ITSN2: variants seen among roughly 807,000 people sequenced by gnomAD.
The protein encoded by ITSN2 is intersectin-2.
In ITSN2, 156 loss-of-function variants were observed where a neutral mutation model predicts 243.7. The observed-to-expected ratio is 0.64, with a 90% CI of 0.56 to 0.73. ITSN2 has a LOEUF of 0.73. Ranked by LOEUF, ITSN2 falls within the 30% of genes least tolerant of loss-of-function variation. The probability of loss-of-function intolerance (pLI) is 0.00; values close to 1 mark genes in which losing one functional copy is unlikely to be tolerated. For missense variants in ITSN2, 1,801 were observed against 1,996.1 expected, an observed-to-expected ratio of 0.90 and a Z score of 1.86; for synonymous variants, 703 against 699.9, an observed-to-expected ratio of 1.00 and a Z score of -0.07.
chr2:24,346,030 G>A (rs1046590887), intron 1 of ITSN2, among the ~76,000 whole-genome samples: 5 of 152,082 alleles, frequency 3.3e-5, no homozygotes, highest in East Asian at 1.9e-4. Context: ...AATTGTTTGC[G>A]CTACCCTTCT....
chr2:24,216,227 A>G lies in ITSN2; in HGVS notation c.3812T>C (p.Leu1271Ser). ...IMSNTKLLKA[L>S]RVRKKTGGEK... ...GCCCCCGGTCTTCTTCCGCACCCGC[A>G]AAGCCCTGCCAAGAACACACTCTCA... is the stretch of plus-strand genomic sequence containing the variant. Residue 1271 changes from leucine to serine, a missense_variant, in exon 32 of 40, where the codon TTG (leucine) becomes TCG (serine). Coordinates refer to ENST00000355123, the MANE Select transcript of ITSN2 (RefSeq NM_006277.3). 1.3e-6 allele frequency: 2 copies of G among 1,598,022 alleles called. No homozygotes were observed. The highest frequency in any genetic ancestry group is 1.7e-6 in the Non-Finnish European group (2 of 1,172,362).
intron 17 of ITSN2, among the ~76,000 whole-genome samples, chr2:24,277,807 C>G (rs1201455937): frequency 6.6e-6 from 1 of 152,110 alleles, no homozygotes. Flanking sequence ...GTAAAATACA[C>G]TAACAATAGC....
intron 9 of ITSN2, among the ~76,000 whole-genome samples, chr2:24,302,801 T>C (rs577620596): frequency 5.3e-5 from 8 of 152,188 alleles, no homozygotes; most frequent in East Asian, 1.9e-4. Flanking sequence ...TGATTCTCCA[T>C]AGAAGGGATT....
intron 1 of ITSN2, among the ~76,000 whole-genome samples, chr2:24,354,510 G>A (rs1225461362): frequency 6.6e-6 from 1 of 152,128 alleles, no homozygotes; most frequent in African/African-American, 2.4e-5. Context: ...GTAACATTAG[G>A]CACTTACACT....
Position 24,204,047 on chromosome 2 carries a change from C to CAAAG in ITSN2, c.4936+194_4936+197dup. ...GTCGTGTGTGTAGGGAGTGATGGGT[C>CAAAG]AAAGACCTGAAACACATCTCAGGCC... On this transcript the variant is annotated intron_variant, in intron 39 of 39. Coordinates refer to ENST00000355123, the MANE Select transcript of ITSN2 (RefSeq NM_006277.3). The surrounding 1 kb of genome is among the most constrained non-coding windows in gnomAD (Gnocchi z 5.1). The CAAAG allele has an allele frequency of 1.6e-6, 1 of 638,956 alleles. No individual in the cohort carries two copies. Among genetic ancestry groups the CAAAG allele is most frequent in the South Asian group, 1.9e-5 (1 of 51,372 alleles). The allele number at this position is 638,956 out of a possible 1,614,324, so 39.6% of individuals were successfully genotyped here.
At chr2:24,294,478 G>T (rs1390067193) in intron 14 of ITSN2, among the ~76,000 whole-genome samples, 1 of 152,082 alleles carries the variant, frequency 6.6e-6, no homozygotes, top group African/African-American at 2.4e-5. Flanking sequence ...AATATTTTTG[G>T]CTTTTGTTTA....
chr2:24,314,047 CT>C (rs1683608253), intron 3 of ITSN2, among the ~76,000 whole-genome samples: 1 of 152,148 alleles, frequency 6.6e-6, no homozygotes, highest in Admixed American at 6.5e-5. Context: ...GACAAACTTG[CT>C]TTACTGCTTG....
At chr2:24,266,117 T>C (rs983012857) in intron 20 of ITSN2, among the ~76,000 whole-genome samples, 5 of 152,238 alleles carry the variant, frequency 3.3e-5, no homozygotes, top group African/African-American at 1.2e-4. Context: ...CCTTCCTCCA[T>C]CCTATCCTTG....
rs1265588414 is a variant in ITSN2, at chr2:24,312,395, G to A, written c.189-20C>T. The A allele has an allele frequency of 5.1e-6, 8 of 1,572,670 alleles. No homozygotes were observed. The highest frequency in any genetic ancestry group is 1.8e-5 in the Admixed American group (1 of 55,280). ...AAAGCCCTAAAAGGAGCATGAGGTA[G>A]GTAGATTGCTATGTGGTGTGGTGGT... On this transcript the variant is annotated intron_variant, in intron 4 of 39. Transcript: ENST00000355123.
Position 24,209,081 on chromosome 2 carries a change from A to C in ITSN2, c.4595+19T>G. On this transcript the variant is annotated intron_variant, in intron 36 of 39. Coordinates refer to ENST00000355123, the MANE Select transcript of ITSN2 (RefSeq NM_006277.3). ...CTTCTCCCAGAGTTCAAGGCAGGCCACACATGGTCAGGACTGACCTCTCAT... is the reference window on the plus strand; with the variant it reads ...CTTCTCCCAGAGTTCAAGGCAGGCCCCACATGGTCAGGACTGACCTCTCAT... 1 of 1,613,058 alleles carries C rather than the reference A, an allele frequency of 6.2e-7. No homozygotes were observed. The highest frequency in any genetic ancestry group is 1.1e-5 in the South Asian group (1 of 91,040).
intron 36 of ITSN2, 132 bp downstream of exon 36, chr2:24,208,968 G>A: frequency 2.1e-6 from 2 of 936,036 alleles, no homozygotes; most frequent in South Asian, 1.6e-5. Context: ...GGAGCAGAGG[G>A]GATGTGTTAA....
intron 20 of ITSN2, among the ~76,000 whole-genome samples, chr2:24,266,358 T>A (rs1021499336): frequency 1.3e-5 from 2 of 152,224 alleles, no homozygotes; most frequent in Admixed American, 1.3e-4. Context: ...CTAAATTTGA[T>A]TAACAATAGA....
At chr2:24,329,541 G>A (rs1412148411) in intron 1 of ITSN2, among the ~76,000 whole-genome samples, 2 of 152,148 alleles carry the variant, frequency 1.3e-5, no homozygotes, top group African/African-American at 2.4e-5. Context: ...CCAAAGTGCT[G>A]GGATTACAGG....
intron 37 of ITSN2, among the ~76,000 whole-genome samples, chr2:24,206,634 G>A (rs1297093450): frequency 6.6e-6 from 1 of 152,182 alleles, no homozygotes; most frequent in Non-Finnish European, 1.5e-5. Flanking sequence ...AGTGATCTGT[G>A]CCATGAACAC....
intron 37 of ITSN2, among the ~76,000 whole-genome samples, chr2:24,207,598 A>G (rs1669034739): frequency 6.6e-6 from 1 of 151,860 alleles, no homozygotes; most frequent in Non-Finnish European, 1.5e-5. Context: ...GTGGAAGAAG[A>G]ACTGGGAAGG....
At chr2:24,328,410 GA>G (rs1218691796) in intron 1 of ITSN2, among the ~76,000 whole-genome samples, 1 of 148,496 alleles carries the variant, frequency 6.7e-6, no homozygotes, top group African/African-American at 2.5e-5. Context: ...ATTTGGAAGA[GA>G]AAAAAATAAA....
chr2:24,205,407 T>G, intron 37 of ITSN2, 110 bp from the exon 38 acceptor site: 1 of 872,128 alleles, frequency 1.1e-6, no homozygotes, highest in Non-Finnish European at 1.9e-6. Context: ...GCCACTGCCC[T>G]GGGCCCAACA....
At chr2:24,351,296 G>T (rs971478481) in intron 1 of ITSN2, among the ~76,000 whole-genome samples, 9 of 152,146 alleles carry the variant, frequency 5.9e-5, no homozygotes, top group Non-Finnish European at 1.3e-4. Flanking sequence ...GCTTCTATTA[G>T]ACTGTGAGCT....
chr2:24,318,638 G>A lies in ITSN2; in HGVS notation c.32-3414C>T, dbSNP rs561679858. Among the ~76,000 whole-genome samples the A allele has an allele frequency of 4.6e-5, 7 of 152,250 alleles. No homozygotes were observed. The South Asian group carries it at 1.5e-3, about 32-fold the overall frequency. The stretch of plus-strand genomic sequence containing the variant: ...CTAATGATCAGGGCTAAAGGGTGGG[G>A]TATCACAGGAGATATACAGACCTAT... On this transcript the variant is annotated intron_variant, in intron 2 of 39. Transcript: ENST00000355123.
Sources: gnomAD v4.1 joint callset for allele counts (sites outside exome capture counted in the v4.1 genomes callset) on GRCh38, gnomAD v4.1.1 for gene constraint, Gnocchi (gnomAD v3.1) non-coding constraint, MANE v1.5 for transcripts, NCBI Gene and HGNC (gene_info 2026-07-23, HGNC 2026-07-21) for gene names.